The following LDAH variants were observed in gnomAD, a reference collection of about 807,000 sequenced individuals.
The protein encoded by LDAH is lipid droplet-associated hydrolase.
Under a neutral mutation model 29.6 loss-of-function variants are expected in LDAH, and 26 were observed. That is an observed-to-expected ratio of 0.88 (90% confidence interval 0.64 to 1.22). The LOEUF (loss-of-function observed/expected upper bound fraction) is 1.22, where lower values mean the gene tolerates loss of function less well. Among genes scored for constraint, LDAH ranks in the 50% most tolerant of loss-of-function variants. The probability of loss-of-function intolerance (pLI) is 0.00; values close to 1 mark genes in which losing one functional copy is unlikely to be tolerated. For missense variants in LDAH, 344 were observed against 387.3 expected (o/e 0.89, Z 0.94); for synonymous variants, 117 against 133.0 (o/e 0.88, Z 0.83).
chr2:20,774,099 A>G (rs1669624328), intron 4 of LDAH, among the ~76,000 whole-genome samples: 2 of 152,186 alleles, frequency 1.3e-5, no homozygotes, highest in South Asian at 4.1e-4. Context: ...AAAGAAATGA[A>G]TTATCTTGTG....
At chr2:20,804,782 TAAG>T (rs1248932829) in intron 1 of LDAH, among the ~76,000 whole-genome samples, 6 of 152,288 alleles carry the variant, frequency 3.9e-5, no homozygotes, top group African/African-American at 1.4e-4. Context: ...CTGATTCTCT[TAAG>T]AATACTTAGA....
chr2:20,706,825 T>C (rs1021684708), intron 5 of LDAH, among the ~76,000 whole-genome samples: 16 of 152,306 alleles, frequency 1.1e-4, no homozygotes, highest in African/African-American at 3.4e-4. Context: ...CTTATGATTG[T>C]CTCAGCTTAT....
chr2:20,781,256 C>T (rs2125042381), intron 3 of LDAH, among the ~76,000 whole-genome samples: 1 of 152,272 alleles, frequency 6.6e-6, no homozygotes, highest in East Asian at 1.9e-4. Context: ...CCCCTCGAAT[C>T]ATCCCCTTCT....
At chr2:20,794,824 T>C (rs1461232627) in intron 2 of LDAH, among the ~76,000 whole-genome samples, 1 of 152,154 alleles carries the variant, frequency 6.6e-6, no homozygotes, top group Non-Finnish European at 1.5e-5. Context: ...TACATGGCAC[T>C]CACATACAAT....
At chr2:20,808,679 A>G (rs1313774230) in intron 1 of LDAH, among the ~76,000 whole-genome samples, 2 of 151,724 alleles carry the variant, frequency 1.3e-5, no homozygotes, top group Admixed American at 1.3e-4. Context: ...AAAAAAGAAT[A>G]GCCAAGACAA....
At chr2:20,769,877 C>T (rs528665258) in intron 4 of LDAH, among the ~76,000 whole-genome samples, 2 of 152,132 alleles carry the variant, frequency 1.3e-5, no homozygotes, top group East Asian at 3.9e-4. Context: ...GTTTTCTCTG[C>T]CCACAGCAAA....
chr2:20,755,064 T>C (rs1425672756), intron 4 of LDAH, among the ~76,000 whole-genome samples: 2 of 151,916 alleles, frequency 1.3e-5, no homozygotes, highest in African/African-American at 4.8e-5. Flanking sequence ...TCTTTAGGGA[T>C]AAGGGGCAAT....
intron 2 of LDAH, among the ~76,000 whole-genome samples, chr2:20,798,555 GTATAA>G (rs200033621): frequency 0.016 from 2,404 of 148,756 alleles, 61 homozygotes; most frequent in African/African-American, 0.056. Context: ...GCTTAGCTAT[GTATAA>G]TATAATTAAT....
Position 20,684,708 on chromosome 2 carries a change from C to A in LDAH, c.*2195G>T. ...GGAGATGCTTATGGCTGGGAACAGA[C>A]TAGGAACAAACACGGGTGTGGTCAA... On this transcript the variant is annotated 3_prime_UTR_variant, in exon 7 of 7. Transcript: ENST00000237822. 1.6e-6 allele frequency: 1 copy of A among 639,578 alleles called. No homozygotes were observed. 39.6% of individuals were successfully genotyped at this position (639,578 alleles called of 1,614,324 possible).
At chr2:20,802,144 C>T (rs912133172) in intron 1 of LDAH, among the ~76,000 whole-genome samples, 1 of 152,022 alleles carries the variant, frequency 6.6e-6, no homozygotes, top group African/African-American at 2.4e-5. Flanking sequence ...ACTGCAAACT[C>T]TGCCTCCCAG....
At chr2:20,775,228 C>G (rs1406648609) in intron 3 of LDAH, among the ~76,000 whole-genome samples, 1 of 152,160 alleles carries the variant, frequency 6.6e-6, no homozygotes, top group East Asian at 1.9e-4. Context: ...GATTAATAGT[C>G]ACAAACTTAT....
intron 4 of LDAH, among the ~76,000 whole-genome samples, chr2:20,748,675 C>T (rs1667749665): frequency 6.6e-6 from 1 of 152,184 alleles, no homozygotes; most frequent in Admixed American, 6.5e-5. Context: ...TTGAATTAAA[C>T]AGTGTTCTCC....
intron 3 of LDAH, chr2:20,788,835 T>C: frequency 3.5e-6 from 1 of 287,136 alleles, no homozygotes; most frequent in Non-Finnish European, 6.6e-6. Flanking sequence ...AAGTTATGTT[T>C]ATGTTTTATA....
At chr2:20,782,037 CAG>C (rs1420492358) in intron 3 of LDAH, among the ~76,000 whole-genome samples, 2 of 152,168 alleles carry the variant, frequency 1.3e-5, no homozygotes, top group African/African-American at 2.4e-5. Context: ...AGACACATGA[CAG>C]ATATTTTCTA....
At position 20,740,014 on chromosome 2, in the gene LDAH, C is replaced by T; in HGVS notation, c.660G>A (p.Glu220=). The T allele has an allele frequency of 1.2e-6, 2 of 1,614,064 alleles. No individual in the cohort carries two copies. The highest frequency in any genetic ancestry group is 1.3e-5 in the African/African-American group (1 of 75,050). ...ATATATTCAATGGTGAAAATTCATT[C>T]TCTAGGTTCATTACTTGAAGGCCCC... ...IRRGLQVMNL[E]NEFSPLNILE... The change falls in exon 5 of 7, where the codon GAG becomes GAA. Residue 220 remains glutamate (E), a synonymous_variant. Coordinates refer to ENST00000237822, the MANE Select transcript of LDAH (RefSeq NM_021925.4).
chr2:20,750,149 C>T (rs896857363), intron 4 of LDAH, among the ~76,000 whole-genome samples: 4 of 151,970 alleles, frequency 2.6e-5, no homozygotes, highest in African/African-American at 9.7e-5. Flanking sequence ...CCTCATCCTC[C>T]GTAGTAGCTG....
chr2:20,782,280 C>T (rs1202266929), intron 3 of LDAH, among the ~76,000 whole-genome samples: 1 of 152,178 alleles, frequency 6.6e-6, no homozygotes, highest in Admixed American at 6.5e-5. Context: ...TTTGAGAACA[C>T]CTGATCAAGG....
intron 3 of LDAH, among the ~76,000 whole-genome samples, chr2:20,775,610 T>C (rs1285930599): frequency 6.6e-6 from 1 of 152,204 alleles, no homozygotes; most frequent in Non-Finnish European, 1.5e-5. Context: ...AGAATCCAGA[T>C]CGAAAAACTT....
At chr2:20,732,906 T>C (rs575066605) in intron 5 of LDAH, among the ~76,000 whole-genome samples, 197 of 152,114 alleles carry the variant, frequency 1.3e-3, no homozygotes, top group Middle Eastern at 3.4e-3. Context: ...TCTCACTATG[T>C]CGCCTAGGCT....
Sources: gnomAD v4.1 joint callset for allele counts (sites outside exome capture counted in the v4.1 genomes callset) on GRCh38, gnomAD v4.1.1 for gene constraint, MANE v1.5 for transcripts, NCBI Gene and HGNC (gene_info 2026-07-23, HGNC 2026-07-21) for gene names.